The following KMT2C variants were observed in gnomAD, a reference collection of about 807,000 sequenced individuals.
KMT2C encodes the protein histone-lysine N-methyltransferase 2C.
A neutral mutation model predicts 507.9 loss-of-function variants in KMT2C; 88 were observed. That is an observed-to-expected ratio of 0.17 (90% CI 0.15 to 0.21). KMT2C has a LOEUF of 0.21. Among genes scored for constraint, KMT2C ranks in the 10% least tolerant of loss-of-function variants. The probability of loss-of-function intolerance (pLI) is 1.00; values close to 1 mark genes in which losing one functional copy is unlikely to be tolerated. For synonymous variants in KMT2C, 2,049 were observed against 2,080.8 expected (o/e 0.98, Z 0.42); for missense variants, 4,954 against 5,957.8 (o/e 0.83, Z 5.55).
chr7:152,201,308 ACAC>A (rs1247364643), intron 26 of KMT2C, among the ~76,000 whole-genome samples: 1 of 140,398 alleles, frequency 7.1e-6, no homozygotes, highest in Admixed American at 6.8e-5. Context: ...ACACACACAC[ACAC>A]ACACACACAC....
chr7:152,379,834 G>C (rs928767812), intron 1 of KMT2C, among the ~76,000 whole-genome samples: 1 of 152,266 alleles, frequency 6.6e-6, no homozygotes, highest in Non-Finnish European at 1.5e-5. Context: ...AGTGGCCCAT[G>C]CCTGTAATCC....
chr7:152,152,341 C>T lies in KMT2C; in HGVS notation c.12526+364G>A, dbSNP rs1444910715. Among the ~76,000 whole-genome samples, 3 of 152,166 alleles carry T rather than the reference C, an allele frequency of 2.0e-5. No individual in the cohort carries two copies. In the East Asian group the frequency reaches 5.8e-4, roughly 29 times the overall value. On this transcript the variant is annotated intron_variant, in intron 49 of 58. Transcript: ENST00000262189. Reference sequence around the variant, plus strand: ...AAGCAGAGGAGAACAGGAAACAGAACCCACGTCAGGTCACCAGCCCCATCT... The same window carrying T: ...AAGCAGAGGAGAACAGGAAACAGAATCCACGTCAGGTCACCAGCCCCATCT...
At chr7:152,417,048 CAA>C (rs34690030) in intron 1 of KMT2C, among the ~76,000 whole-genome samples, 28 of 67,332 alleles carry the variant, frequency 4.2e-4, no homozygotes, top group South Asian at 1.8e-3. Flanking sequence ...GACATCATCT[CAA>C]AAAAAAAAAA....
chr7:152,410,719 G>A (rs888223469), intron 1 of KMT2C, among the ~76,000 whole-genome samples: 12 of 150,818 alleles, frequency 8.0e-5, no homozygotes, highest in Non-Finnish European at 1.2e-4. Context: ...CATCTCAGCC[G>A]GGCCCAGTGA....
At chr7:152,335,838 G>A (rs918374676) in intron 2 of KMT2C, among the ~76,000 whole-genome samples, 1 of 152,090 alleles carries the variant, frequency 6.6e-6, no homozygotes, top group South Asian at 2.1e-4. Flanking sequence ...CAGTAGGTTT[G>A]CAGGTATACA....
In KMT2C at chr7:152,255,108, CTTATATATAT is replaced by C. The variant is rs1465598054; in HGVS notation, c.1300-2403_1300-2394del. 3.3e-4 allele frequency among the ~76,000 whole-genome samples: 20 copies of C among 60,674 alleles called. 1 individual carries two copies. The highest frequency in any genetic ancestry group is 6.1e-4 in the Non-Finnish European group (19 of 31,006). 39.8% of individuals were successfully genotyped at this position (60,674 alleles called of 152,430 possible). A position where few individuals can be genotyped will look rare whatever the true frequency, so the allele number is the denominator to read the frequency against. On this transcript the variant is annotated intron_variant, in intron 9 of 58. Coordinates refer to ENST00000262189, the MANE Select transcript of KMT2C (RefSeq NM_170606.3). ...AAATCAAGATGTCAATCAACTCTCA[CTTATATATAT>C]ATATATATATATATATATATATATA...
At chr7:152,220,770 A>G (rs750181826) in intron 22 of KMT2C, 35 bp from the exon 23 acceptor site, 63 of 1,498,568 alleles carry the variant, frequency 4.2e-5, no homozygotes, top group South Asian at 1.7e-4. Flanking sequence ...ACAAATTTAA[A>G]CTTTCATTTC....
intron 14 of KMT2C, among the ~76,000 whole-genome samples, chr7:152,241,208 CTTTCTT>C (rs1165028736): frequency 6.6e-6 from 1 of 152,066 alleles, no homozygotes; most frequent in Non-Finnish European, 1.5e-5. Flanking sequence ...TTCTTTCTTT[CTTTCTT>C]TTTGAGATGG....
intron 1 of KMT2C, among the ~76,000 whole-genome samples, chr7:152,364,178 G>C (rs2097218486): frequency 6.6e-6 from 1 of 152,034 alleles, no homozygotes; most frequent in Non-Finnish European, 1.5e-5. Flanking sequence ...CTTAACTACT[G>C]GGCATAATCC....
intron 4 of KMT2C, 94 bp from the exon 5 acceptor site, chr7:152,312,040 T>G (rs2096676813): frequency 1.1e-6 from 1 of 949,690 alleles, no homozygotes; most frequent in Non-Finnish European, 1.5e-6. Flanking sequence ...CAAATCAATT[T>G]TAATTTATCA....
At chr7:152,282,136 A>AAAC (rs796238454) in intron 6 of KMT2C, among the ~76,000 whole-genome samples, 1 of 152,094 alleles carries the variant, frequency 6.6e-6, no homozygotes. Flanking sequence ...TACCAAAAAA[A>AAAC]AAATACAAAA....
At chr7:152,261,286 C>T (rs2095769906) in intron 9 of KMT2C, among the ~76,000 whole-genome samples, 1 of 151,390 alleles carries the variant, frequency 6.6e-6, no homozygotes, top group African/African-American at 2.4e-5. Flanking sequence ...TGGTAAAAAG[C>T]ACAATATATT....
chr7:152,208,893 C>T (rs1295504930), intron 23 of KMT2C, among the ~76,000 whole-genome samples: 1 of 152,146 alleles, frequency 6.6e-6, no homozygotes, highest in African/African-American at 2.4e-5. Flanking sequence ...AGGCCAGGCA[C>T]GGTGGCTCAT....
In KMT2C at chr7:152,435,774, C is replaced by T. The variant is rs1002542913; in HGVS notation, c.13G>A (p.Glu5Lys). The T allele has an allele frequency of 2.1e-6, 3 of 1,443,206 alleles. No individual in the cohort carries two copies. Among genetic ancestry groups the T allele is most frequent in the African/African-American group, 1.5e-5 (1 of 67,102 alleles). 89.4% of individuals were successfully genotyped at this position (1,443,206 alleles called of 1,614,324 possible). A position where few individuals can be genotyped will look rare whatever the true frequency, so the allele number is the denominator to read the frequency against. The stretch of plus-strand genomic sequence containing the variant: ...TGCGGCTGCTCCACGCTCTTGTCCT[C>T]CTCCGACGACATCCTAGTCACCAGG... MSSE[E>K]DKSVEQPQPP... The change falls in exon 1 of 59, where the codon GAG becomes AAG. Residue 5 changes from glutamate to lysine, a missense_variant. Glu to Lys is a moderately conservative substitution (Grantham distance 56). Transcript: ENST00000262189.
chr7:152,151,371 T>C, intron 50 of KMT2C, 71 bp downstream of exon 50: 3 of 1,502,768 alleles, frequency 2.0e-6, no homozygotes, highest in Admixed American at 1.8e-5. Flanking sequence ...TCTCTGATGT[T>C]GGAAGAGACA....
At chr7:152,347,105 C>CAAGGAA (rs948728199) in intron 2 of KMT2C, among the ~76,000 whole-genome samples, 4 of 151,626 alleles carry the variant, frequency 2.6e-5, no homozygotes, top group South Asian at 4.2e-4. Flanking sequence ...GCCAGGGAGA[C>CAAGGAA]AAGGAAAAGG....
At chr7:152,239,740 C>A (rs1355754730) in intron 14 of KMT2C, among the ~76,000 whole-genome samples, 5 of 152,128 alleles carry the variant, frequency 3.3e-5, no homozygotes, top group Admixed American at 2.0e-4. Context: ...AAATGTCAAA[C>A]AATAAAAGAA....
intron 1 of KMT2C, among the ~76,000 whole-genome samples, chr7:152,388,043 A>C (rs1312512310): frequency 2.6e-5 from 4 of 151,328 alleles, no homozygotes; most frequent in Non-Finnish European, 4.4e-5. Context: ...TTCCCACATA[A>C]TCATGTTATG....
intron 9 of KMT2C, among the ~76,000 whole-genome samples, chr7:152,257,325 G>A (rs1307192474): frequency 2.0e-5 from 3 of 152,062 alleles, no homozygotes; most frequent in South Asian, 2.1e-4. Context: ...ATTCTTAGAC[G>A]AAAAATAACA....
Sources: allele counts gnomAD v4.1 joint callset (sites outside exome capture counted in the v4.1 genomes callset), GRCh38; gene constraint gnomAD v4.1.1; transcripts MANE v1.5; gene names NCBI Gene and HGNC (gene_info 2026-07-23, HGNC 2026-07-21).